KALRN: variants seen among roughly 807,000 people sequenced by gnomAD.
The protein encoded by KALRN is kalirin.
A neutral mutation model predicts 353.7 loss-of-function variants in KALRN; 70 were observed. The ratio of observed to expected loss-of-function variants is 0.20; its 90% CI spans 0.16 to 0.24. The LOEUF is 0.24. KALRN is among the 10% of genes least tolerant of loss of function. The probability of loss-of-function intolerance (pLI) is 1.00; values close to 1 mark genes in which losing one functional copy is unlikely to be tolerated. For missense variants in KALRN, 2,791 were observed against 3,756.7 expected (o/e 0.74, Z 6.72); for synonymous variants, 1,391 against 1,434.8 (o/e 0.97, Z 0.69).
intron 4 of KALRN, among the ~76,000 whole-genome samples, chr3:124,266,203 A>G (rs1281273284): frequency 6.6e-6 from 1 of 152,234 alleles, no homozygotes; most frequent in African/African-American, 2.4e-5. Context: ...TAGAAAAAAT[A>G]GTATTAAAAT....
intron 34 of KALRN, among the ~76,000 whole-genome samples, chr3:124,602,207 A>G (rs772322362): frequency 2.0e-5 from 3 of 152,164 alleles, no homozygotes; most frequent in Non-Finnish European, 4.4e-5. Context: ...AAAATCACAT[A>G]TAGACCTTCA....
chr3:124,675,444 C>A (rs2087053001), intron 49 of KALRN: 1 of 151,558 alleles, frequency 6.6e-6, no homozygotes, highest in Non-Finnish European at 1.5e-5. Flanking sequence ...GACTAGTTGA[C>A]CCTTTTTCCC....
intron 1 of KALRN, among the ~76,000 whole-genome samples, chr3:124,199,833 A>T (rs1331349959): frequency 6.6e-6 from 1 of 152,164 alleles, no homozygotes; most frequent in Non-Finnish European, 1.5e-5. Context: ...GTGAGGCAAG[A>T]TAGACAAGAT....
chr3:124,424,900 T>C (rs954044592), intron 15 of KALRN, among the ~76,000 whole-genome samples: 3 of 152,176 alleles, frequency 2.0e-5, no homozygotes, highest in Non-Finnish European at 2.9e-5. Flanking sequence ...CAAGGCCTCT[T>C]GACTGGTCAG....
chr3:124,632,764 C>G, intron 35 of KALRN, 61 bp downstream of exon 35: 1 of 1,499,164 alleles, frequency 6.7e-7, no homozygotes, highest in Non-Finnish European at 9.1e-7. Flanking sequence ...TCTCCTTCCT[C>G]AGGTTTTGTC....
chr3:124,143,201 C>T (rs79041026), intron 1 of KALRN, among the ~76,000 whole-genome samples: 4,873 of 152,198 alleles, frequency 0.032, 244 homozygotes, highest in African/African-American at 0.11. Flanking sequence ...TGGGTGCCTC[C>T]CCTCCTTTCT....
At chr3:124,356,915 G>A (rs2083481452) in intron 10 of KALRN, among the ~76,000 whole-genome samples, 1 of 152,032 alleles carries the variant, frequency 6.6e-6, no homozygotes, top group Non-Finnish European at 1.5e-5. Flanking sequence ...CTCATCTCTG[G>A]TTTCACCCCT....
intron 3 of KALRN, among the ~76,000 whole-genome samples, chr3:124,240,541 T>G (rs2080304755): frequency 6.6e-6 from 1 of 152,140 alleles, no homozygotes; most frequent in African/African-American, 2.4e-5. Context: ...CAGTGGAAGA[T>G]GCCACCAACA....
At chr3:124,127,409 T>G (rs1430443819) in intron 1 of KALRN, among the ~76,000 whole-genome samples, 3 of 152,140 alleles carry the variant, frequency 2.0e-5, no homozygotes, top group Non-Finnish European at 4.4e-5. Flanking sequence ...GACCCTACAC[T>G]CCAATATGTA....
intron 33 of KALRN, among the ~76,000 whole-genome samples, chr3:124,522,735 G>A (rs2067267731): frequency 6.6e-6 from 1 of 152,216 alleles, no homozygotes; most frequent in South Asian, 2.1e-4. Context: ...CACAGTCTGA[G>A]AACCACTAAA....
intron 1 of KALRN, chr3:124,162,969 C>A: frequency 6.6e-6 from 1 of 152,354 alleles, no homozygotes. Context: ...ATGTTTACTA[C>A]TGCTGTCTCT....
chr3:124,241,214 G>A (rs16835217), intron 3 of KALRN, among the ~76,000 whole-genome samples: 10,133 of 152,064 alleles, frequency 0.067, 967 homozygotes, highest in East Asian at 0.46. Flanking sequence ...TTTTTGGGAG[G>A]TATAGTTCAG....
chr3:124,374,563 C>T (rs2086316089), intron 10 of KALRN: 1 of 152,218 alleles, frequency 6.6e-6, no homozygotes, highest in South Asian at 2.1e-4. Context: ...GATTTGGTCA[C>T]CTCACCATCT....
At chr3:124,442,262 G>A (rs966785458) in intron 19 of KALRN, among the ~76,000 whole-genome samples, 1 of 152,140 alleles carries the variant, frequency 6.6e-6, no homozygotes, top group Non-Finnish European at 1.5e-5. Context: ...CAAAAACAAG[G>A]ATAAAATTTC....
rs369152427 is a variant in KALRN at position 124,446,234 on chromosome 3, C to T, written c.3387C>T (p.Asp1129=). Reference sequence around the variant, plus strand: ...GGACCTTGAAGAAGCGGCGGTTAGACCAATGCCAGCAATATGTGGTGTTCG... The same window carrying T: ...GGACCTTGAAGAAGCGGCGGTTAGATCAATGCCAGCAATATGTGGTGTTCG... ...HFWTLKKRRL[D]QCQQYVVFER... is the part of the protein sequence containing the mutation. Residue 1129 remains aspartate (D), a synonymous_variant, in exon 20 of 60, where the codon GAC becomes GAT. Coordinates refer to ENST00000682506, the MANE Select transcript of KALRN (RefSeq NM_001388419.1). 4.5e-5 allele frequency: 72 copies of T among 1,613,970 alleles called. No individual in the cohort carries two copies. Among genetic ancestry groups the T allele is most frequent in the Non-Finnish European group, 5.7e-5 (67 of 1,179,954 alleles).
At chr3:124,298,120 G>A (rs1318225500) in intron 5 of KALRN, among the ~76,000 whole-genome samples, 3 of 152,182 alleles carry the variant, frequency 2.0e-5, no homozygotes, top group Admixed American at 1.3e-4. Flanking sequence ...ATTGAAGTAT[G>A]TGGGCTGCCT....
chr3:124,588,593 T>G (rs13072203), intron 34 of KALRN, among the ~76,000 whole-genome samples: 44,735 of 151,852 alleles, frequency 0.29, 7,323 homozygotes, highest in Middle Eastern at 0.4. Context: ...CCCGGCTAAT[T>G]TTTTGTATTT....
At chr3:124,631,738 C>T (rs966681919) in intron 34 of KALRN, among the ~76,000 whole-genome samples, 2 of 152,226 alleles carry the variant, frequency 1.3e-5, no homozygotes, top group African/African-American at 4.8e-5. Context: ...GATTGAATCA[C>T]TCTGGCTCAG....
At chr3:124,491,159 T>C (rs2063120876) in intron 30 of KALRN, among the ~76,000 whole-genome samples, 164 bp from the exon 31 acceptor site, 1 of 152,166 alleles carries the variant, frequency 6.6e-6, no homozygotes, top group Non-Finnish European at 1.5e-5. Flanking sequence ...GTAGGTCCTT[T>C]CATCCTGGGT....
Sources: allele counts gnomAD v4.1 joint callset (sites outside exome capture counted in the v4.1 genomes callset), GRCh38; gene constraint gnomAD v4.1.1; transcripts MANE v1.5; gene names NCBI Gene and HGNC (gene_info 2026-07-23, HGNC 2026-07-21).